The following GPC3 variants were observed in gnomAD, a reference collection of about 807,000 sequenced individuals.
GPC3 encodes the protein glypican-3.
A neutral mutation model predicts 34.4 loss-of-function variants in GPC3; 3 were observed. The observed-to-expected ratio is 0.09, with a 90% CI of 0.04 to 0.23. The LOEUF (loss-of-function observed/expected upper bound fraction) is 0.23. Among genes scored for constraint, GPC3 ranks in the 10% least tolerant of loss-of-function variants. GPC3 has a pLI of 1.00. For missense variants in GPC3, 351 were observed against 445.6 expected (o/e 0.79, Z 1.91); for synonymous variants, 177 against 174.0 (o/e 1.02, Z -0.13).
At chrX:133,783,324 T>A (rs1038982593) in intron 2 of GPC3, among the ~76,000 whole-genome samples, 1 of 111,886 alleles carries the variant, frequency 8.9e-6, no homozygotes, top group African/African-American at 3.2e-5. Context: ...TAAGATGAGA[T>A]GGAAAGTGTG....
intron 6 of GPC3, among the ~76,000 whole-genome samples, chrX:133,626,642 G>A (rs1476986317): frequency 3.7e-5 from 4 of 108,653 alleles, no homozygotes; most frequent in East Asian, 2.9e-4. Flanking sequence ...TTAGAATGGC[G>A]ATCATTAAAA....
intron 1 of GPC3, among the ~76,000 whole-genome samples, chrX:133,973,485 C>T (rs1262442016): frequency 1.8e-5 from 2 of 112,435 alleles, no homozygotes; most frequent in African/African-American, 6.5e-5. Context: ...CTAAACTATT[C>T]CACCAACCTG....
chrX:133,614,225 T>C (rs1172149098), intron 6 of GPC3, among the ~76,000 whole-genome samples: 1 of 111,216 alleles, frequency 9.0e-6, no homozygotes, highest in Non-Finnish European at 1.9e-5. Context: ...ACTTCCTAAG[T>C]TTCATGAAAA....
intron 2 of GPC3, among the ~76,000 whole-genome samples, chrX:133,811,473 T>C (rs2075665653): frequency 8.9e-6 from 1 of 111,947 alleles, no homozygotes; most frequent in South Asian, 3.7e-4. Flanking sequence ...TTTTGGTTTT[T>C]GGGTTTTTTG....
At chrX:133,742,001 T>C (rs978178658) in intron 3 of GPC3, among the ~76,000 whole-genome samples, 1 of 112,732 alleles carries the variant, frequency 8.9e-6, no homozygotes, top group South Asian at 3.7e-4. Context: ...GTGACTGAGA[T>C]CTACCTTTTT....
At chrX:133,671,421 T>G (rs1180279401) in intron 5 of GPC3, 19 of 481,780 alleles carry the variant, frequency 3.9e-5, no homozygotes, top group Non-Finnish European at 7.0e-5. Flanking sequence ...CCATTGTGGA[T>G]TTTTCATGAG....
chrX:133,677,780 A>G (rs2070899312), intron 5 of GPC3, among the ~76,000 whole-genome samples: 1 of 111,495 alleles, frequency 9.0e-6, no homozygotes, highest in African/African-American at 3.3e-5. Flanking sequence ...ACTTGAGAGG[A>G]CATGAGAGCA....
chrX:133,761,914 T>C (rs1452954804), intron 2 of GPC3, among the ~76,000 whole-genome samples: 1 of 112,154 alleles, frequency 8.9e-6, no homozygotes, highest in Non-Finnish European at 1.9e-5. Flanking sequence ...TCAAGCATAA[T>C]AAACTTCATT....
chrX:133,734,727 TC>T (rs2071494310), intron 3 of GPC3, among the ~76,000 whole-genome samples: 1 of 111,518 alleles, frequency 9.0e-6, no homozygotes, highest in Non-Finnish European at 1.9e-5. Context: ...AATCTCTCTC[TC>T]TCTCTCTCTC....
intron 2 of GPC3, among the ~76,000 whole-genome samples, chrX:133,907,194 TTTAAA>T (rs1445810709): frequency 8.9e-6 from 1 of 112,075 alleles, no homozygotes; most frequent in African/African-American, 3.2e-5. Context: ...ACATATATGT[TTTAAA>T]TTAAAGTGAA....
chrX:133,960,090 C>T (rs901024894), intron 1 of GPC3, among the ~76,000 whole-genome samples: 1 of 110,787 alleles, frequency 9.0e-6, no homozygotes, highest in Non-Finnish European at 1.9e-5. Context: ...TTGAGGTAGA[C>T]CATACAGAAT....
intron 3 of GPC3, among the ~76,000 whole-genome samples, chrX:133,752,962 C>T (rs1220447918): frequency 8.9e-6 from 1 of 111,970 alleles, no homozygotes; most frequent in Non-Finnish European, 1.9e-5. Flanking sequence ...TGAAGCATGG[C>T]TCTTCCACTA....
intron 2 of GPC3, among the ~76,000 whole-genome samples, chrX:133,769,747 T>G (rs1228188599): frequency 2.7e-5 from 3 of 112,243 alleles, no homozygotes; most frequent in Non-Finnish European, 5.6e-5. Flanking sequence ...CTGAAGAGCC[T>G]AAAAGCCTAG....
At chrX:133,872,161 C>G (rs1409446952) in intron 2 of GPC3, among the ~76,000 whole-genome samples, 1 of 111,534 alleles carries the variant, frequency 9.0e-6, no homozygotes, top group African/African-American at 3.3e-5. Flanking sequence ...AACATTTTTC[C>G]TCAAAGGATT....
chrX:133,741,475 C>G (rs1347853407), intron 3 of GPC3, among the ~76,000 whole-genome samples: 2 of 111,211 alleles, frequency 1.8e-5, no homozygotes, highest in Non-Finnish European at 1.9e-5. Flanking sequence ...GCTCCCCATC[C>G]TGCCTCATTC....
chrX:133,941,758 C>G (rs777691896), intron 2 of GPC3, among the ~76,000 whole-genome samples: 2 of 111,752 alleles, frequency 1.8e-5, no homozygotes, highest in Admixed American at 1.9e-4. Flanking sequence ...TTTAAACCCC[C>G]ACAAAAAAAG....
intron 1 of GPC3, among the ~76,000 whole-genome samples, chrX:133,970,674 T>C (rs1426028691): frequency 9.5e-6 from 1 of 105,731 alleles, no homozygotes; most frequent in African/African-American, 3.5e-5. Flanking sequence ...AATCTAAACA[T>C]CTGAGATAAA....
chrX:133,619,126 A>G (rs1403887665), intron 6 of GPC3, among the ~76,000 whole-genome samples: 1 of 112,491 alleles, frequency 8.9e-6, no homozygotes, highest in Admixed American at 9.4e-5. Context: ...CAAAACCACA[A>G]TGAGATACTA....
At chrX:133,755,370 G>C (rs1373916216) in intron 2 of GPC3, among the ~76,000 whole-genome samples, 1 of 111,316 alleles carries the variant, frequency 9.0e-6, no homozygotes, top group Non-Finnish European at 1.9e-5. Context: ...CAACATTTCA[G>C]TCATCTGTGG....
Sources: gnomAD v4.1 joint callset for allele counts (sites outside exome capture counted in the v4.1 genomes callset) on GRCh38, gnomAD v4.1.1 for gene constraint, MANE v1.5 for transcripts, NCBI Gene and HGNC (gene_info 2026-07-23, HGNC 2026-07-21) for gene names.